Variants in ATP8B4 observed in about 807,000 individuals in gnomAD.
ATP8B4 encodes the protein probable phospholipid-transporting ATPase IM.
A neutral mutation model predicts 145.6 loss-of-function variants in ATP8B4; 133 were observed. The observed-to-expected ratio is 0.91, with a 90% CI of 0.79 to 1.05. The LOEUF (loss-of-function observed/expected upper bound fraction) is 1.05. Ranked by LOEUF, ATP8B4 falls within the 50% of genes least tolerant of loss-of-function variation. The probability of loss-of-function intolerance (pLI) is 0.00; values close to 1 mark genes in which losing one functional copy is unlikely to be tolerated. For missense variants in ATP8B4, 1,458 were observed against 1,425.2 expected, an observed-to-expected ratio of 1.02 and a Z score of -0.37; for synonymous variants, 507 against 492.9, an observed-to-expected ratio of 1.03 and a Z score of -0.38.
intron 7 of ATP8B4, among the ~76,000 whole-genome samples, chr15:50,006,419 G>C (rs1297404852): frequency 6.7e-6 from 1 of 148,900 alleles, no homozygotes; most frequent in Non-Finnish European, 1.5e-5. Flanking sequence ...ACAGCAAATA[G>C]GTTGGAACAA....
In ATP8B4 at chr15:49,920,394, C is replaced by T; in HGVS notation, c.1775G>A (p.Gly592Asp). The change falls in exon 18 of 28, where the codon GGC becomes GAC. Residue 592 changes from glycine (G) to aspartate (D), a missense_variant. Physicochemically the swap from Gly to Asp is moderately conservative, Grantham distance 94 (BLOSUM62 -1). Transcript: ENST00000284509. ...SDHLSEFAGE[G>D]LRTLAIAYRD... The stretch of plus-strand genomic sequence containing the variant: ...GTATGCGATGGCCAAGGTCCGAAGG[C>T]CTTCCCCTGCAAATTCCTGCCAGAG... 3.7e-6 allele frequency: 6 copies of T among 1,613,096 alleles called. No homozygotes were observed. The highest frequency in any genetic ancestry group is 5.1e-6 in the Non-Finnish European group (6 of 1,179,616).
chr15:49,862,021 C>A (rs986828656), intron 27 of ATP8B4, among the ~76,000 whole-genome samples: 1 of 152,228 alleles, frequency 6.6e-6, no homozygotes, highest in African/African-American at 2.4e-5. Flanking sequence ...TAATTTATGA[C>A]TCCCCATCCA....
At chr15:50,031,884 C>T (rs2050470055) in intron 6 of ATP8B4, among the ~76,000 whole-genome samples, 2 of 152,206 alleles carry the variant, frequency 1.3e-5, no homozygotes, top group African/African-American at 4.8e-5. Context: ...TATCAAGATG[C>T]TACAGACCAG....
At chr15:50,176,857 G>T (rs1378098328) in intron 1 of ATP8B4, among the ~76,000 whole-genome samples, 1 of 152,116 alleles carries the variant, frequency 6.6e-6, no homozygotes, top group African/African-American at 2.4e-5. Flanking sequence ...CCAATGCAAG[G>T]GTTTCCTGCT....
intron 1 of ATP8B4, among the ~76,000 whole-genome samples, chr15:50,133,883 C>T (rs995170218): frequency 2.0e-5 from 3 of 152,076 alleles, no homozygotes; most frequent in Non-Finnish European, 2.9e-5. Flanking sequence ...TGCATGGAAT[C>T]GCAACACTTT....
intron 9 of ATP8B4, among the ~76,000 whole-genome samples, chr15:49,990,370 A>G (rs1417545773): frequency 6.6e-6 from 1 of 152,208 alleles, no homozygotes; most frequent in Non-Finnish European, 1.5e-5. Flanking sequence ...TACTGAATAC[A>G]TGTTTGGAGC....
intron 6 of ATP8B4, among the ~76,000 whole-genome samples, chr15:50,031,929 A>G (rs35609972): frequency 0.21 from 31,345 of 152,204 alleles, 3,691 homozygotes; most frequent in Middle Eastern, 0.37. Flanking sequence ...TTTAAATGCT[A>G]TATAGTTAAT....
At chr15:49,873,787 T>C (rs2033995015) in intron 25 of ATP8B4, among the ~76,000 whole-genome samples, 1 of 152,308 alleles carries the variant, frequency 6.6e-6, no homozygotes, top group East Asian at 1.9e-4. Context: ...AGTACTTGAC[T>C]CTCCCTGCAC....
At chr15:50,121,663 GAA>G (rs373552516), upstream of ATP8B4, among the ~76,000 whole-genome samples, 487 of 147,748 alleles carry the variant, frequency 3.3e-3, 2 homozygotes, top group African/African-American at 0.011. Context: ...TAGGATACAA[GAA>G]AAAAAAAACC....
At chr15:50,007,451 G>C (rs766848346) in intron 7 of ATP8B4, among the ~76,000 whole-genome samples, 1 of 152,206 alleles carries the variant, frequency 6.6e-6, no homozygotes, top group Non-Finnish European at 1.5e-5. Context: ...TGTCCCATTG[G>C]CGAGCTGTTT....
intron 20 of ATP8B4, among the ~76,000 whole-genome samples, chr15:49,912,991 G>A (rs2039383199): frequency 6.6e-6 from 1 of 152,012 alleles, no homozygotes; most frequent in East Asian, 1.9e-4. Flanking sequence ...AGTTGGGTGT[G>A]GTGGTGGCTT....
intron 3 of ATP8B4, among the ~76,000 whole-genome samples, chr15:50,064,560 C>A (rs536657436): frequency 1.3e-5 from 2 of 152,164 alleles, no homozygotes. Flanking sequence ...AAATATATAG[C>A]CCAAGTCTTG....
intron 16 of ATP8B4, among the ~76,000 whole-genome samples, chr15:49,927,817 A>C (rs1052218600): frequency 2.3e-4 from 35 of 152,042 alleles, no homozygotes; most frequent in Non-Finnish European, 7.4e-5. Flanking sequence ...AACACCTAGA[A>C]CGGCATGTGT....
chr15:49,925,681 T>C (rs543351882), intron 16 of ATP8B4, among the ~76,000 whole-genome samples: 1 of 152,286 alleles, frequency 6.6e-6, no homozygotes, highest in South Asian at 2.1e-4. Context: ...TCTGATTCAA[T>C]AAATACTTTC....
intron 3 of ATP8B4, among the ~76,000 whole-genome samples, chr15:50,061,235 C>A (rs1044538277): frequency 6.6e-6 from 1 of 151,586 alleles, no homozygotes; most frequent in African/African-American, 2.4e-5. Flanking sequence ...CCTCCACTTT[C>A]AATTTAAGCT....
intron 5 of ATP8B4, among the ~76,000 whole-genome samples, chr15:50,043,175 A>G (rs1394405559): frequency 6.6e-6 from 1 of 152,200 alleles, no homozygotes; most frequent in Non-Finnish European, 1.5e-5. Flanking sequence ...ACAGTTATTG[A>G]GGGGGCACAT....
intron 6 of ATP8B4, among the ~76,000 whole-genome samples, chr15:50,028,431 A>G (rs894158342): frequency 1.3e-5 from 2 of 152,132 alleles, no homozygotes; most frequent in Non-Finnish European, 2.9e-5. Context: ...ACCATTCCCA[A>G]CTAGGCTCCC....
chr15:49,945,686 G>A (rs183778934), intron 14 of ATP8B4, among the ~76,000 whole-genome samples: 7 of 152,114 alleles, frequency 4.6e-5, no homozygotes, highest in African/African-American at 1.7e-4. Context: ...ATTGAAGGAT[G>A]ATTCAACATA....
intron 23 of ATP8B4, among the ~76,000 whole-genome samples, chr15:49,892,044 A>G (rs564951816): frequency 6.8e-6 from 1 of 147,746 alleles, no homozygotes; most frequent in Middle Eastern, 3.5e-3. Flanking sequence ...TGAACCTGGG[A>G]GGTGGAGCTT....
Sources: gnomAD v4.1 joint callset for allele counts (sites outside exome capture counted in the v4.1 genomes callset) on GRCh38, gnomAD v4.1.1 for gene constraint, MANE v1.5 for transcripts, NCBI Gene and HGNC (gene_info 2026-07-23, HGNC 2026-07-21) for gene names.